Variants in DNAAF5 observed in about 807,000 individuals in gnomAD.
DNAAF5 encodes dynein axonemal assembly factor 5.
DNAAF5 carries 64 observed loss-of-function variants against 75.8 expected under a neutral mutation model. The observed-to-expected ratio is 0.84, with a 90% CI of 0.69 to 1.04. DNAAF5 has a LOEUF of 1.04. Ranked by LOEUF, DNAAF5 falls within the 50% of genes least tolerant of loss-of-function variation. DNAAF5 has a pLI of 0.00. For missense variants in DNAAF5, 1,269 were observed against 1,178.5 expected, an observed-to-expected ratio of 1.08 and a Z score of -1.12; for synonymous variants, 657 against 557.2, an observed-to-expected ratio of 1.18 and a Z score of -2.52.
At chr7:745,947 C>T (rs913080170) in intron 4 of DNAAF5, among the ~76,000 whole-genome samples, 5 of 152,174 alleles carry the variant, frequency 3.3e-5, no homozygotes, top group Non-Finnish European at 7.3e-5. Flanking sequence ...TAGAGAGTGT[C>T]GTTAGGCACA....
At chr7:769,202 CA>C in intron 8 of DNAAF5, 1 of 772,672 alleles carries the variant, frequency 1.3e-6, no homozygotes. Context: ...AGCAACGGCT[CA>C]AGGTGACTCA....
rs1210043707 is a variant in DNAAF5, at chr7:770,519, C to T, written c.1832C>T (p.Ala611Val). 6.2e-7 allele frequency: 1 copy of T among 1,613,868 alleles called. No individual in the cohort carries two copies. Among genetic ancestry groups the T allele is most frequent in the Non-Finnish European group, 8.5e-7 (1 of 1,179,998 alleles). ...CCACACGTCGTGCCCACGCTGAGGG[C>T]CTGTCTGCAGCCCTCCCAAGACCCG... ...ALPHVVPTLR[A>V]CLQPSQDPQM... The change falls in exon 9 of 13, where the codon GCC becomes GTC. Residue 611 changes from alanine (A) to valine (V), a missense_variant. Transcript: ENST00000297440.
chr7:729,581 GCAGC>G, intron 1 of DNAAF5, 78 bp from the exon 2 acceptor site: 1 of 1,367,642 alleles, frequency 7.3e-7, no homozygotes, highest in Non-Finnish European at 1.0e-6. Context: ...TCATAGGCAG[GCAGC>G]CGTCCTCTGG....
intron 4 of DNAAF5, among the ~76,000 whole-genome samples, chr7:745,579 A>ATATACACATCTGCACACG (rs1371199887): frequency 4.6e-5 from 7 of 152,138 alleles, no homozygotes; most frequent in African/African-American, 1.7e-4. Flanking sequence ...GTGCACACCC[A>ATATACACATCTGCACACG]TATACACATC....
chr7:740,970 T>C (rs1469616395), intron 3 of DNAAF5, 27 bp downstream of exon 3: 1 of 1,608,512 alleles, frequency 6.2e-7, no homozygotes, highest in Admixed American at 1.7e-5. Context: ...CCGCGGGCCT[T>C]GTCTTCCTAA....
chr7:754,032 GTC>G lies in DNAAF5; in HGVS notation c.1025-552_1025-551del, dbSNP rs1221077899. 1.3e-4 allele frequency among the ~76,000 whole-genome samples: 15 copies of G among 119,224 alleles called. No individual in the cohort carries two copies. The highest frequency in any genetic ancestry group is 5.5e-4 in the South Asian group (2 of 3,640). The allele number at this position is 119,224 out of a possible 152,430, so 78.2% of individuals were successfully genotyped here. On this transcript the variant is annotated intron_variant, in intron 4 of 12. Coordinates refer to ENST00000297440, the MANE Select transcript of DNAAF5 (RefSeq NM_017802.4). The surrounding 1 kb of genome is among the most constrained non-coding windows in gnomAD (Gnocchi z 4.8). Reference sequence around the variant, plus strand: ...CATAGGGGGACGGCTTCGCAGGCGTGTCTCTCATCATATGGCGATGGCTTCGC... The same window carrying G: ...CATAGGGGGACGGCTTCGCAGGCGTGTCTCATCATATGGCGATGGCTTCGC...
At chr7:738,948 T>C (rs1781817075) in intron 2 of DNAAF5, among the ~76,000 whole-genome samples, 1 of 152,100 alleles carries the variant, frequency 6.6e-6, no homozygotes, top group Non-Finnish European at 1.5e-5. Context: ...ACCCAGCGAG[T>C]TCAGACTGCT....
rs187473067 is a variant in DNAAF5, at chr7:754,500, A to G, written c.1025-89A>G. 237 of 1,065,132 alleles carry G rather than the reference A, an allele frequency of 2.2e-4. No homozygotes were observed. The highest frequency in any genetic ancestry group is 1.9e-3 in the African/African-American group (121 of 64,192). The allele number at this position is 1,065,132 out of a possible 1,614,324, so 66.0% of individuals were successfully genotyped here. ...TTGAAATGGTGAGGTTGAAACTCAC[A>G]GGTGTCCCTTAAATGTGATGTGCGG... On this transcript the variant is annotated intron_variant, in intron 4 of 12. Coordinates refer to ENST00000297440, the MANE Select transcript of DNAAF5 (RefSeq NM_017802.4). The surrounding 1 kb of genome is among the most constrained non-coding windows in gnomAD (Gnocchi z 4.8).
At chr7:731,924 C>G (rs1377421047) in intron 2 of DNAAF5, among the ~76,000 whole-genome samples, 3 of 152,174 alleles carry the variant, frequency 2.0e-5, no homozygotes, top group Non-Finnish European at 2.9e-5. Flanking sequence ...CCTCCACCCC[C>G]TCAACAACCC....
At chr7:766,416 G>A (rs978878326) in intron 8 of DNAAF5, among the ~76,000 whole-genome samples, 1 of 152,106 alleles carries the variant, frequency 6.6e-6, no homozygotes, top group African/African-American at 2.4e-5. Context: ...AGTTCTATGG[G>A]AAGATACCTT....
At chr7:728,494 A>G (rs528974432) in intron 1 of DNAAF5, among the ~76,000 whole-genome samples, 20 of 152,368 alleles carry the variant, frequency 1.3e-4, no homozygotes, top group African/African-American at 3.6e-4. Context: ...GGAAATGCCG[A>G]GATTTCCACG....
At chr7:775,591 T>C (rs1198014468) in intron 11 of DNAAF5, among the ~76,000 whole-genome samples, 1 of 152,210 alleles carries the variant, frequency 6.6e-6, no homozygotes, top group Non-Finnish European at 1.5e-5. Flanking sequence ...TACAAATTTG[T>C]ACTTACATTT....
intron 8 of DNAAF5, among the ~76,000 whole-genome samples, chr7:766,163 C>G (rs1782814627): frequency 1.3e-5 from 2 of 152,250 alleles, no homozygotes; most frequent in African/African-American, 2.4e-5. Flanking sequence ...ATTATGTTCT[C>G]TGAGCCCCAT....
intron 8 of DNAAF5, among the ~76,000 whole-genome samples, chr7:765,265 C>T (rs1420959893): frequency 3.3e-5 from 5 of 152,230 alleles, no homozygotes; most frequent in Non-Finnish European, 4.4e-5. Context: ...ACTGTGACCC[C>T]GTTTCACAGA....
intron 2 of DNAAF5, among the ~76,000 whole-genome samples, chr7:739,255 A>C (rs1019190309): frequency 9.2e-5 from 14 of 152,162 alleles, no homozygotes; most frequent in Non-Finnish European, 1.5e-5. Flanking sequence ...CAGGCTTTGC[A>C]GCATCTCAGC....
chr7:764,090 C>T (rs950607793), intron 8 of DNAAF5, 116 bp downstream of exon 8: 10 of 1,161,416 alleles, frequency 8.6e-6, no homozygotes, highest in South Asian at 2.8e-5. Flanking sequence ...TTCACTGAAG[C>T]GTGTTGTTAA....
chr7:738,641 A>G (rs1396747528), intron 2 of DNAAF5, among the ~76,000 whole-genome samples: 1 of 152,200 alleles, frequency 6.6e-6, no homozygotes. Context: ...TTCGGTGTTC[A>G]GTGCTGTTTT....
chr7:781,931 G>C (rs528590949), intron 12 of DNAAF5, among the ~76,000 whole-genome samples: 1 of 152,320 alleles, frequency 6.6e-6, no homozygotes, highest in Admixed American at 6.5e-5. Flanking sequence ...CTCCCATCCC[G>C]TACCCGCGGG....
chr7:755,409 C>A (rs567516261), intron 5 of DNAAF5, among the ~76,000 whole-genome samples: 9 of 152,346 alleles, frequency 5.9e-5, no homozygotes, highest in African/African-American at 2.2e-4. Flanking sequence ...CGCTGACAGT[C>A]ACCACCATGA....
Sources: allele counts gnomAD v4.1 joint callset (sites outside exome capture counted in the v4.1 genomes callset), GRCh38; gene constraint gnomAD v4.1.1; non-coding constraint Gnocchi (gnomAD v3.1); transcripts MANE v1.5; gene names NCBI Gene and HGNC (gene_info 2026-07-23, HGNC 2026-07-21).